Variants in RPSA2 observed in about 807,000 individuals in gnomAD.
The protein encoded by RPSA2 is small ribosomal subunit protein uS2B.
the RPSA2 span, among the ~76,000 whole-genome samples, chr19:23,806,009 ATCT>A: frequency 0.011 from 1,541 of 142,002 alleles, 16 homozygotes; most frequent in South Asian, 0.018. Context: ...CTGTCTATCT[ATCT>A]ATCTATCTAT....
At chr19:23,783,668 T>C in the RPSA2 span, among the ~76,000 whole-genome samples, 2 of 151,972 alleles carry the variant, frequency 1.3e-5, no homozygotes. Context: ...CACCTAGGGG[T>C]TGGAAAGTTT....
chr19:23,867,215 A>T, the RPSA2 span, among the ~76,000 whole-genome samples: 3 of 152,012 alleles, frequency 2.0e-5, no homozygotes, highest in Non-Finnish European at 4.4e-5. Flanking sequence ...GTAAGGATTG[A>T]CCCCCATCCT....
the RPSA2 span, chr19:23,758,893 A>G: frequency 8.7e-7 from 1 of 1,145,090 alleles, no homozygotes; most frequent in East Asian, 2.4e-5. Flanking sequence ...GGGAGAGACA[A>G]AGGCCCCGCC....
the RPSA2 span, among the ~76,000 whole-genome samples, chr19:23,767,237 C>T: frequency 6.6e-6 from 1 of 151,982 alleles, no homozygotes; most frequent in Non-Finnish European, 1.5e-5. Flanking sequence ...CCACGGTGCC[C>T]GGCCTAATTT....
chr19:23,775,127 G>A, the RPSA2 span, among the ~76,000 whole-genome samples: 1 of 152,180 alleles, frequency 6.6e-6, no homozygotes, highest in Admixed American at 6.5e-5. Context: ...TGAAGCCCCG[G>A]GTGGTACAGA....
chr19:23,819,189 C>T, the RPSA2 span: 1 of 152,104 alleles, frequency 6.6e-6, no homozygotes, highest in African/African-American at 2.4e-5. Flanking sequence ...CTGATGATGC[C>T]TCGAGCTTTG....
chr19:23,787,681 C>T, the RPSA2 span, among the ~76,000 whole-genome samples: 2 of 152,112 alleles, frequency 1.3e-5, no homozygotes, highest in South Asian at 2.1e-4. Context: ...ATGTGACTCT[C>T]TTGTGTTACC....
At chr19:23,832,496 A>T in the RPSA2 span, 1 of 533,190 alleles carries the variant, frequency 1.9e-6, no homozygotes, top group Non-Finnish European at 3.3e-6. Flanking sequence ...CAAACCTTTT[A>T]GCCAAAACTC....
chr19:23,853,679 G>A, the RPSA2 span, among the ~76,000 whole-genome samples: 1 of 152,160 alleles, frequency 6.6e-6, no homozygotes, highest in African/African-American at 2.4e-5. Flanking sequence ...ATGTTGGGTG[G>A]GAGCACTATA....
chr19:23,865,637 GA>G, the RPSA2 span, among the ~76,000 whole-genome samples: 1 of 152,048 alleles, frequency 6.6e-6, no homozygotes, highest in Admixed American at 6.5e-5. Context: ...TTGCTAAGCA[GA>G]AAAAAAGAGA....
chr19:23,854,037 T>C, the RPSA2 span, among the ~76,000 whole-genome samples: 1 of 152,212 alleles, frequency 6.6e-6, no homozygotes, highest in South Asian at 2.1e-4. Context: ...GCTTTTTCAC[T>C]GCTGGAGCCC....
the RPSA2 span, chr19:23,823,700 C>T: frequency 6.6e-6 from 1 of 152,238 alleles, no homozygotes; most frequent in African/African-American, 2.4e-5. Context: ...CCCCTTCCAT[C>T]CTTATGGGAC....
the RPSA2 span, among the ~76,000 whole-genome samples, chr19:23,820,018 C>T: frequency 5.3e-5 from 8 of 152,320 alleles, no homozygotes; most frequent in African/African-American, 1.7e-4. Context: ...AGTTACTTCT[C>T]GTGCTTTCTC....
the RPSA2 span, among the ~76,000 whole-genome samples, chr19:23,790,253 T>C: frequency 6.6e-6 from 1 of 152,170 alleles, no homozygotes; most frequent in Non-Finnish European, 1.5e-5. Flanking sequence ...CGCCTAGGCT[T>C]CCCAAAGTGG....
At chr19:23,814,205 C>T in the RPSA2 span, among the ~76,000 whole-genome samples, 1 of 91,390 alleles carries the variant, frequency 1.1e-5, no homozygotes, top group Non-Finnish European at 2.1e-5. Context: ...GAGCAAGACT[C>T]CATTTCAAAA....
the RPSA2 span, among the ~76,000 whole-genome samples, chr19:23,802,793 TA>T: frequency 3.3e-5 from 5 of 152,334 alleles, no homozygotes; most frequent in Admixed American, 2.6e-4. Flanking sequence ...ATCAACTGGA[TA>T]AATGATTTAA....
the RPSA2 span, among the ~76,000 whole-genome samples, chr19:23,786,306 T>C: frequency 6.6e-6 from 1 of 152,244 alleles, no homozygotes; most frequent in East Asian, 1.9e-4. Flanking sequence ...AATTTATTAC[T>C]GGACCTTCCT....
chr19:23,829,773 T>C, the RPSA2 span, among the ~76,000 whole-genome samples: 1 of 152,242 alleles, frequency 6.6e-6, no homozygotes, highest in African/African-American at 2.4e-5. Context: ...TATCTTATGT[T>C]GTATGTTCAT....
At chr19:23,853,165 T>C in the RPSA2 span, among the ~76,000 whole-genome samples, 1 of 152,220 alleles carries the variant, frequency 6.6e-6, no homozygotes, top group Non-Finnish European at 1.5e-5. Context: ...TATTGATAGA[T>C]GGTTAAGGCA....
Sources: gnomAD v4.1 joint callset for allele counts (sites outside exome capture counted in the v4.1 genomes callset) on GRCh38, gnomAD v4.1.1 for gene constraint, MANE v1.5 for transcripts, NCBI Gene and HGNC (gene_info 2026-07-23, HGNC 2026-07-21) for gene names.